NBAS: variants seen among roughly 807,000 people sequenced by gnomAD.
NBAS encodes the protein NAG/BC035112 fusion.
NBAS carries 219 observed loss-of-function variants against 302.5 expected under a neutral mutation model. That is an observed-to-expected ratio of 0.72 (90% CI 0.65 to 0.81). The LOEUF is 0.81. NBAS is among the 30% of genes least tolerant of loss of function. NBAS has a pLI of 0.00. For synonymous variants in NBAS, 1,118 were observed against 1,021.6 expected (o/e 1.09, Z -1.80); for missense variants, 2,932 against 2,841.6 (o/e 1.03, Z -0.72).
chr2:15,357,023 G>A (rs920549379), intron 32 of NBAS, among the ~76,000 whole-genome samples: 12 of 152,236 alleles, frequency 7.9e-5, no homozygotes, highest in South Asian at 2.1e-4. Flanking sequence ...CTCCACTCTG[G>A]ATATCTGGTC....
At chr2:15,174,392 A>G (rs1419929517) in intron 51 of NBAS, among the ~76,000 whole-genome samples, 1 of 152,234 alleles carries the variant, frequency 6.6e-6, no homozygotes, top group Non-Finnish European at 1.5e-5. Context: ...GAAGGACATT[A>G]GTGATCTGAG....
chr2:14,974,001 GC>G, the NBAS span, among the ~76,000 whole-genome samples: 341 of 152,230 alleles, frequency 2.2e-3, no homozygotes, highest in African/African-American at 8.0e-3. Flanking sequence ...TAGATCTAAA[GC>G]CAACTCTCGC....
chr2:15,365,455 G>A (rs1348964405), intron 32 of NBAS, among the ~76,000 whole-genome samples: 2 of 152,108 alleles, frequency 1.3e-5, no homozygotes, highest in African/African-American at 4.8e-5. Flanking sequence ...GAAGAAAGGG[G>A]GTATCATTCC....
At chr2:14,948,254 C>A in the NBAS span, among the ~76,000 whole-genome samples, 5 of 151,940 alleles carry the variant, frequency 3.3e-5, no homozygotes, top group Non-Finnish European at 5.9e-5. Context: ...TCTTTTCCAT[C>A]TTTTTGTGGA....
the NBAS span, among the ~76,000 whole-genome samples, chr2:15,041,002 A>T: frequency 6.6e-6 from 1 of 152,154 alleles, no homozygotes; most frequent in East Asian, 1.9e-4. Context: ...TCTAACCTAC[A>T]CATCACTGGC....
chr2:15,287,219 A>T (rs926553238), intron 41 of NBAS, 36 bp from the exon 42 acceptor site: 2 of 1,541,202 alleles, frequency 1.3e-6, no homozygotes, highest in African/African-American at 2.7e-5. Flanking sequence ...GAAGGGAGAG[A>T]GGAGAAACAC....
At chr2:14,864,918 T>G in the NBAS span, among the ~76,000 whole-genome samples, 1 of 152,208 alleles carries the variant, frequency 6.6e-6, no homozygotes, top group South Asian at 2.1e-4. Flanking sequence ...TAGTGTACAA[T>G]TGTTGTCATG....
the NBAS span, among the ~76,000 whole-genome samples, chr2:15,085,033 T>C: frequency 6.6e-6 from 1 of 152,178 alleles, no homozygotes; most frequent in Non-Finnish European, 1.5e-5. Flanking sequence ...CCACCTCCTC[T>C]CCGCAGCTTT....
intron 19 of NBAS, among the ~76,000 whole-genome samples, chr2:15,465,395 T>C (rs1025762264): frequency 1.3e-5 from 2 of 152,162 alleles, no homozygotes; most frequent in Non-Finnish European, 2.9e-5. Context: ...CCTCATCAAT[T>C]CTCCATACCT....
intron 42 of NBAS, among the ~76,000 whole-genome samples, chr2:15,283,064 C>T (rs1669893447): frequency 6.6e-6 from 1 of 152,034 alleles, no homozygotes. Context: ...GGGAGGGTTC[C>T]CTATTAGAAT....
chr2:15,225,127 CT>C (rs1667099511), intron 47 of NBAS, among the ~76,000 whole-genome samples: 1 of 152,184 alleles, frequency 6.6e-6, no homozygotes, highest in African/African-American at 2.4e-5. Flanking sequence ...TACAAATAAT[CT>C]CCTTGTGGCT....
chr2:15,472,894 T>G (rs916272791), intron 16 of NBAS, among the ~76,000 whole-genome samples: 13 of 152,218 alleles, frequency 8.5e-5, no homozygotes, highest in Admixed American at 7.9e-4. Flanking sequence ...CTGTTTAAAT[T>G]ACTGTGTGAT....
intron 48 of NBAS, among the ~76,000 whole-genome samples, chr2:15,212,740 G>T (rs1230848137): frequency 6.6e-6 from 1 of 152,154 alleles, no homozygotes; most frequent in African/African-American, 2.4e-5. Context: ...TGGTTTTATA[G>T]GAAGCCTCCT....
chr2:15,393,212 A>G (rs1462635723), intron 28 of NBAS, among the ~76,000 whole-genome samples: 1 of 152,086 alleles, frequency 6.6e-6, no homozygotes, highest in Non-Finnish European at 1.5e-5. Context: ...ATTAAAAGGC[A>G]AATTTTTAAA....
the NBAS span, among the ~76,000 whole-genome samples, chr2:14,924,638 C>G: frequency 6.6e-6 from 1 of 152,164 alleles, no homozygotes; most frequent in African/African-American, 2.4e-5. Context: ...AAGACTGATA[C>G]TTATAGACTT....
chr2:15,399,261 G>A (rs1005595720), intron 26 of NBAS, among the ~76,000 whole-genome samples: 2 of 151,976 alleles, frequency 1.3e-5, no homozygotes, highest in African/African-American at 4.8e-5. Flanking sequence ...GAAGCTGACA[G>A]AGGAATCATA....
chr2:15,009,874 C>G, the NBAS span, among the ~76,000 whole-genome samples: 2 of 151,828 alleles, frequency 1.3e-5, no homozygotes, highest in Non-Finnish European at 2.9e-5. Context: ...AGAACTAGAA[C>G]CGCAAAATTA....
At chr2:15,090,299 G>A in the NBAS span, among the ~76,000 whole-genome samples, 1 of 152,204 alleles carries the variant, frequency 6.6e-6, no homozygotes, top group African/African-American at 2.4e-5. Context: ...CTCCATGTGT[G>A]AATCACATCA....
chr2:15,406,922 C>CTCCT (rs1314369886), intron 25 of NBAS, among the ~76,000 whole-genome samples: 1 of 152,172 alleles, frequency 6.6e-6, no homozygotes, highest in Non-Finnish European at 1.5e-5. Context: ...AACGGGCATA[C>CTCCT]TCCTACTTGG....
Sources: allele counts gnomAD v4.1 joint callset (sites outside exome capture counted in the v4.1 genomes callset), GRCh38; gene constraint gnomAD v4.1.1; transcripts MANE v1.5; gene names NCBI Gene and HGNC (gene_info 2026-07-23, HGNC 2026-07-21).